Variants in PLEKHM3 observed in about 807,000 individuals in gnomAD.
The protein encoded by PLEKHM3 is pleckstrin homology domain containing M3, also known as pleckstrin homology domain-containing family M member 3.
PLEKHM3 carries 45 observed loss-of-function variants against 81.8 expected under a neutral mutation model. That is an observed-to-expected ratio of 0.55 (90% CI 0.43 to 0.71). The LOEUF is 0.71. PLEKHM3 is among the 30% of genes least tolerant of loss of function. The pLI, the probability that PLEKHM3 is intolerant of heterozygous loss-of-function variation, is 0.00. For synonymous variants in PLEKHM3, 352 were observed against 356.4 expected (o/e 0.99, Z 0.14); for missense variants, 788 against 924.3 (o/e 0.85, Z 1.91).
intron 3 of PLEKHM3, among the ~76,000 whole-genome samples, chr2:207,974,394 C>A (rs1206944800): frequency 1.3e-5 from 2 of 152,234 alleles, no homozygotes; most frequent in African/African-American, 4.8e-5. Flanking sequence ...AGTGCACACT[C>A]CATCAGAAGG....
chr2:207,870,512 A>G (rs946674048), intron 6 of PLEKHM3, among the ~76,000 whole-genome samples: 1 of 152,236 alleles, frequency 6.6e-6, no homozygotes, highest in African/African-American at 2.4e-5. Flanking sequence ...GGCTGGCTTG[A>G]CGAAATGGAA....
intron 4 of PLEKHM3, among the ~76,000 whole-genome samples, chr2:207,943,411 A>G (rs1395991984): frequency 6.6e-6 from 1 of 152,218 alleles, no homozygotes; most frequent in Non-Finnish European, 1.5e-5. Context: ...CAGAAGGATC[A>G]GAAAAGCTTC....
chr2:207,875,762 T>G (rs1051317513), intron 6 of PLEKHM3, among the ~76,000 whole-genome samples: 6 of 152,084 alleles, frequency 3.9e-5, no homozygotes, highest in Non-Finnish European at 2.9e-5. Context: ...CCTTTGACTC[T>G]AAGATTCTGA....
chr2:207,986,308 C>T (rs552199167), intron 2 of PLEKHM3, among the ~76,000 whole-genome samples: 17 of 152,276 alleles, frequency 1.1e-4, no homozygotes, highest in African/African-American at 4.1e-4. Flanking sequence ...CGTAAGACTG[C>T]AGTATAACAC....
intron 6 of PLEKHM3, among the ~76,000 whole-genome samples, chr2:207,906,318 G>C (rs1013880658): frequency 6.6e-6 from 1 of 152,102 alleles, no homozygotes; most frequent in African/African-American, 2.4e-5. Flanking sequence ...TTCCACCCTA[G>C]CCAGCAGACC....
chr2:207,953,008 A>G (rs966560313), intron 3 of PLEKHM3, among the ~76,000 whole-genome samples: 12 of 152,244 alleles, frequency 7.9e-5, no homozygotes, highest in Non-Finnish European at 1.0e-4. Flanking sequence ...TTAAGACATT[A>G]AACATTTGGA....
chr2:207,853,229 C>A (rs1299179473), intron 7 of PLEKHM3, among the ~76,000 whole-genome samples: 2 of 151,918 alleles, frequency 1.3e-5, no homozygotes, highest in East Asian at 3.9e-4. Context: ...ACCAGCCTGA[C>A]CAACATGGTG....
At chr2:207,865,801 A>ATATATATATAT (rs1192139812) in intron 6 of PLEKHM3, among the ~76,000 whole-genome samples, 13 of 25,290 alleles carry the variant, frequency 5.1e-4, no homozygotes, top group African/African-American at 2.5e-3. Context: ...AAAAAAAAAA[A>ATATATATATAT]AGATATATAT....
intron 7 of PLEKHM3, among the ~76,000 whole-genome samples, chr2:207,829,081 T>C (rs2092269988): frequency 6.6e-6 from 1 of 152,220 alleles, no homozygotes; most frequent in South Asian, 2.1e-4. Context: ...CTCCTACCTT[T>C]GTAAGTCTAC....
At chr2:207,983,090 C>T (rs1482904350) in intron 2 of PLEKHM3, among the ~76,000 whole-genome samples, 4 of 133,978 alleles carry the variant, frequency 3.0e-5, no homozygotes, top group Non-Finnish European at 4.6e-5. Flanking sequence ...CTCGCTCTGT[C>T]GCCCAGGCTG....
At chr2:207,956,718 A>ACTTTTTT (rs1690524761) in intron 3 of PLEKHM3, among the ~76,000 whole-genome samples, 1 of 69,108 alleles carries the variant, frequency 1.4e-5, no homozygotes, top group Non-Finnish European at 2.8e-5. Flanking sequence ...GCTGATTAAA[A>ACTTTTTT]TTTTTTTTTT....
chr2:207,862,715 T>C (rs1574346176), intron 6 of PLEKHM3, among the ~76,000 whole-genome samples: 1 of 152,246 alleles, frequency 6.6e-6, no homozygotes, highest in African/African-American at 2.4e-5. Flanking sequence ...GAAATTACAA[T>C]GTCCAGGTGA....
chr2:207,892,073 C>T (rs1361765501), intron 6 of PLEKHM3, among the ~76,000 whole-genome samples: 1 of 152,166 alleles, frequency 6.6e-6, no homozygotes, highest in African/African-American at 2.4e-5. Flanking sequence ...TGGTGATTTC[C>T]TCCTAACTGT....
At chr2:208,017,489 G>T (rs1692960544) in intron 1 of PLEKHM3, among the ~76,000 whole-genome samples, 1 of 152,136 alleles carries the variant, frequency 6.6e-6, no homozygotes, top group Non-Finnish European at 1.5e-5. Flanking sequence ...TTTTCTGGTG[G>T]TCTTGGAAAG....
At chr2:207,944,889 C>T (rs1690071049) in intron 4 of PLEKHM3, among the ~76,000 whole-genome samples, 1 of 152,164 alleles carries the variant, frequency 6.6e-6, no homozygotes, top group South Asian at 2.1e-4. Context: ...AAAACAACAA[C>T]AACAAAATCA....
intron 3 of PLEKHM3, among the ~76,000 whole-genome samples, chr2:207,955,739 T>C (rs959251546): frequency 6.6e-6 from 1 of 151,970 alleles, no homozygotes; most frequent in African/African-American, 2.4e-5. Flanking sequence ...TGTAAGACAT[T>C]AGAAAAACTG....
At position 208,000,920 on chromosome 2, in the gene PLEKHM3, AC is replaced by A. The variant is rs981687238; in HGVS notation, c.610+109del. 4.3e-5 allele frequency: 46 copies of A among 1,078,314 alleles called. No individual in the cohort carries two copies. In the African/African-American group the frequency reaches 4.8e-4, roughly 11 times the overall value. The allele number at this position is 1,078,314 out of a possible 1,614,324, so 66.8% of individuals were successfully genotyped here. On this transcript the variant is annotated intron_variant, in intron 2 of 7. Transcript: ENST00000427836. ...CCAGATTAAGAGAGACAAAGGAAAA[AC>A]CAACAATGATTCAGTAGAAGTCAGA...
intron 1 of PLEKHM3, among the ~76,000 whole-genome samples, chr2:208,019,316 C>A (rs778638188): frequency 1.3e-5 from 2 of 151,992 alleles, no homozygotes; most frequent in African/African-American, 2.4e-5. Flanking sequence ...AAAACAAAAC[C>A]AAACCTGGAA....
chr2:207,992,988 T>C (rs1691948227), intron 2 of PLEKHM3, among the ~76,000 whole-genome samples: 1 of 152,160 alleles, frequency 6.6e-6, no homozygotes, highest in Admixed American at 6.5e-5. Context: ...AGTTTACACT[T>C]GATTTTGTAA....
Sources: gnomAD v4.1 joint callset for allele counts (sites outside exome capture counted in the v4.1 genomes callset) on GRCh38, gnomAD v4.1.1 for gene constraint, MANE v1.5 for transcripts, NCBI Gene and HGNC (gene_info 2026-07-23, HGNC 2026-07-21) for gene names.